The following ADAMTSL3 variants were observed in gnomAD, a reference collection of about 807,000 sequenced individuals.
ADAMTSL3 encodes the protein ADAMTS like 3.
Under a neutral mutation model 201.7 loss-of-function variants are expected in ADAMTSL3, and 128 were observed. That is an observed-to-expected ratio of 0.63 (90% CI 0.55 to 0.73). ADAMTSL3 has a LOEUF of 0.73. Ranked by LOEUF, ADAMTSL3 falls within the 30% of genes least tolerant of loss-of-function variation. The pLI is 0.00. For synonymous variants in ADAMTSL3, 738 were observed against 748.4 expected, an observed-to-expected ratio of 0.99 and a Z score of 0.23; for missense variants, 1,990 against 2,119.6, an observed-to-expected ratio of 0.94 and a Z score of 1.20.
At chr15:83,671,045 G>GTT (rs72107056) in intron 2 of ADAMTSL3, among the ~76,000 whole-genome samples, 4,546 of 151,626 alleles carry the variant, frequency 0.03, 104 homozygotes, top group Non-Finnish European at 0.05. Flanking sequence ...ATGATATATT[G>GTT]TTTTTTTTAA....
chr15:83,988,897 T>TATTTATC (rs1567285440), intron 22 of ADAMTSL3, 79 bp downstream of exon 22: 5 of 937,340 alleles, frequency 5.3e-6, no homozygotes, highest in South Asian at 4.8e-5. Context: ...ATTTTTTTTT[T>TATTTATC]TTGAGACAGA....
intron 19 of ADAMTSL3, among the ~76,000 whole-genome samples, chr15:83,956,581 T>C (rs2066865766): frequency 6.6e-6 from 1 of 152,176 alleles, no homozygotes; most frequent in Non-Finnish European, 1.5e-5. Flanking sequence ...GACAGTTTAC[T>C]CTTATATTAT....
At chr15:83,851,187 T>G (rs1460262145) in intron 7 of ADAMTSL3, among the ~76,000 whole-genome samples, 1 of 152,162 alleles carries the variant, frequency 6.6e-6, no homozygotes, top group Non-Finnish European at 1.5e-5. Context: ...GTATGAAACT[T>G]TAGTGGAGGG....
At chr15:83,714,838 C>A (rs1240607329) in intron 3 of ADAMTSL3, among the ~76,000 whole-genome samples, 2 of 138,380 alleles carry the variant, frequency 1.4e-5, no homozygotes, top group Non-Finnish European at 3.1e-5. Flanking sequence ...CTCTCTCTTT[C>A]TTTCTCTCTC....
At chr15:83,675,712 C>G (rs1481810901) in intron 2 of ADAMTSL3, among the ~76,000 whole-genome samples, 2 of 151,730 alleles carry the variant, frequency 1.3e-5, no homozygotes, top group African/African-American at 4.8e-5. Flanking sequence ...TATAATTCTC[C>G]AGTGAAACTT....
At chr15:83,916,998 G>T (rs1034578123) in intron 16 of ADAMTSL3, among the ~76,000 whole-genome samples, 2 of 152,138 alleles carry the variant, frequency 1.3e-5, no homozygotes, top group African/African-American at 4.8e-5. Flanking sequence ...TTTCAACGTG[G>T]TTCAGTAAGT....
chr15:83,663,732 G>A (rs981803450), intron 2 of ADAMTSL3, among the ~76,000 whole-genome samples: 7 of 152,220 alleles, frequency 4.6e-5, no homozygotes, highest in African/African-American at 1.7e-4. Flanking sequence ...TGGTGATGGA[G>A]TCTGAGCAGG....
chr15:84,024,821 A>T (rs1407121439), intron 26 of ADAMTSL3, among the ~76,000 whole-genome samples: 1 of 152,242 alleles, frequency 6.6e-6, no homozygotes, highest in African/African-American at 2.4e-5. Context: ...GAATAACATG[A>T]GAATTATACA....
chr15:83,825,190 A>T (rs187678195), intron 6 of ADAMTSL3, among the ~76,000 whole-genome samples: 214 of 152,296 alleles, frequency 1.4e-3, no homozygotes, highest in African/African-American at 4.7e-3. Flanking sequence ...CATTATTGCC[A>T]TCAGTTAAGG....
intron 2 of ADAMTSL3, among the ~76,000 whole-genome samples, chr15:83,678,825 AAT>A (rs1472907150): frequency 6.9e-6 from 1 of 144,406 alleles, no homozygotes. Flanking sequence ...ATAAAATATA[AAT>A]ATATATAAAT....
chr15:84,016,537 A>G (rs1360267020), intron 25 of ADAMTSL3, 38 bp downstream of exon 25: 2 of 1,506,364 alleles, frequency 1.3e-6, no homozygotes, highest in Non-Finnish European at 1.8e-6. Context: ...GCTATGTGTG[A>G]GGCATGTGTA....
chr15:83,804,549 C>T, intron 4 of ADAMTSL3, 101 bp from the exon 5 acceptor site: 3 of 755,116 alleles, frequency 4.0e-6, no homozygotes, highest in South Asian at 3.8e-5. Context: ...AAAAGTTTTA[C>T]AGGGAACCAA....
At chr15:83,898,110 G>T in intron 14 of ADAMTSL3, 105 bp downstream of exon 14, 1 of 1,342,130 alleles carries the variant, frequency 7.5e-7, no homozygotes, top group African/African-American at 1.5e-5. Flanking sequence ...TATAAAAATT[G>T]TTTTATTGAC....
chr15:83,913,177 A>T lies in ADAMTSL3; in HGVS notation c.1786A>T (p.Thr596Ser). The change falls in exon 16 of 30, where the codon ACA becomes TCA. Residue 596 changes from threonine to serine, a missense_variant. Transcript: ENST00000286744. ...VREVKCRVLL[T>S]FTQTETELPE... is the part of the protein sequence containing the mutation. Reference sequence around the variant, plus strand: ...TGAGGTGAAGTGCCGTGTGCTCCTCACATTCACGCAGACTGAGACTGAGCT... The same window carrying T: ...TGAGGTGAAGTGCCGTGTGCTCCTCTCATTCACGCAGACTGAGACTGAGCT... 1 of 1,614,084 alleles carries T rather than the reference A, an allele frequency of 6.2e-7. No individual in the cohort carries two copies. Among genetic ancestry groups the T allele is most frequent in the Non-Finnish European group, 8.5e-7 (1 of 1,180,024 alleles).
Position 83,907,427 on chromosome 15 carries a change from G to A in ADAMTSL3, c.1701-5665G>A, listed in dbSNP as rs575648048. On this transcript the variant is annotated intron_variant, in intron 15 of 29. Transcript: ENST00000286744. ...TGTTGATGATTTTTCACTTTGAGACGGAGTCTCGCTCTGTCACCCAGGCTG... is the reference window on the plus strand; with the variant it reads ...TGTTGATGATTTTTCACTTTGAGACAGAGTCTCGCTCTGTCACCCAGGCTG... 1.5e-4 allele frequency among the ~76,000 whole-genome samples: 23 copies of A among 152,164 alleles called. No homozygotes were observed. In the East Asian group the frequency reaches 2.9e-3, roughly 19 times the overall value.
chr15:83,823,893 C>CTCCTCT (rs2063939024), intron 6 of ADAMTSL3, among the ~76,000 whole-genome samples: 1 of 93,112 alleles, frequency 1.1e-5, no homozygotes, highest in Non-Finnish European at 2.0e-5. Context: ...CTTCTTCTTC[C>CTCCTCT]TCTTCTTCTT....
intron 3 of ADAMTSL3, among the ~76,000 whole-genome samples, chr15:83,751,827 G>C (rs981766327): frequency 1.3e-5 from 2 of 152,132 alleles, no homozygotes; most frequent in Non-Finnish European, 2.9e-5. Context: ...TTCAAGTGAG[G>C]AGTAAAAAGT....
intron 2 of ADAMTSL3, among the ~76,000 whole-genome samples, chr15:83,682,569 G>T (rs978588320): frequency 1.3e-5 from 2 of 152,200 alleles, no homozygotes; most frequent in African/African-American, 4.8e-5. Context: ...AAATGGCTGA[G>T]TAGATTGATG....
chr15:84,011,620 G>C (rs1049404886), intron 23 of ADAMTSL3, among the ~76,000 whole-genome samples: 1 of 151,958 alleles, frequency 6.6e-6, no homozygotes, highest in Admixed American at 6.6e-5. Context: ...ACAAGAAAAA[G>C]AAATCAGAAG....
Sources: gnomAD v4.1 joint callset for allele counts (sites outside exome capture counted in the v4.1 genomes callset) on GRCh38, gnomAD v4.1.1 for gene constraint, MANE v1.5 for transcripts, NCBI Gene and HGNC (gene_info 2026-07-23, HGNC 2026-07-21) for gene names.